TNPO3: variants seen among roughly 807,000 people sequenced by gnomAD.
The protein encoded by TNPO3 is transportin-3.
In TNPO3, 65 loss-of-function variants were observed where a neutral mutation model predicts 122.8. The ratio of observed to expected loss-of-function variants is 0.53; its 90% CI spans 0.43 to 0.65. The LOEUF (loss-of-function observed/expected upper bound fraction) is 0.65. TNPO3 is among the 30% of genes least tolerant of loss of function. The pLI is 0.00. For missense variants in TNPO3, 850 were observed against 1,136.7 expected (o/e 0.75, Z 3.63); for synonymous variants, 372 against 411.2 (o/e 0.90, Z 1.15).
At chr7:128,982,220 GTA>G in intron 14 of TNPO3, 26 bp downstream of exon 14, 1 of 1,597,246 alleles carries the variant, frequency 6.3e-7, no homozygotes, top group African/African-American at 1.3e-5. Context: ...TTTAACCCAA[GTA>G]AGGCATCCAG....
intron 21 of TNPO3, among the ~76,000 whole-genome samples, chr7:128,963,614 A>G (rs2128984067): frequency 6.6e-6 from 1 of 152,382 alleles, no homozygotes; most frequent in Admixed American, 6.5e-5. Flanking sequence ...ATCTATGGCT[A>G]AAAGTGAGTT....
rs186194782 is a variant in TNPO3, at chr7:128,993,827, A to C, written c.1246T>G (p.Ser416Ala). Reference sequence around the variant, plus strand: ...CTTACCTGAGCAAAACACTCCATAGACCCTATCAAGAAAATCAAGTCCTTT... The same window carrying C: ...CTTACCTGAGCAAAACACTCCATAGCCCCTATCAAGAAAATCAAGTCCTTT... Reference protein sequence around the residue: ...LVKDLIFLIGSMECFAQLYST... With the variant: ...LVKDLIFLIGAMECFAQLYST... The change falls in exon 9 of 23, where the codon TCT (serine) becomes GCT (alanine). Residue 416 changes from serine (S) to alanine (A), a missense_variant. By Grantham distance (99) the Ser-to-Ala change is moderately conservative. Transcript: ENST00000265388. 1.9e-6 allele frequency: 3 copies of C among 1,613,970 alleles called. No homozygotes were observed. Among genetic ancestry groups the C allele is most frequent in the Non-Finnish European group, 2.5e-6 (3 of 1,179,970 alleles).
In TNPO3 at chr7:129,004,975, T is replaced by C. The variant is rs374174474; in HGVS notation, c.696+41A>G. ...GTCCCAGCAGGTTAGTTACGAAAAG[T>C]GATTGGCAGAAATACTTTGATAAAT... On this transcript the variant is annotated intron_variant, in intron 5 of 22. Coordinates refer to ENST00000265388, the MANE Select transcript of TNPO3 (RefSeq NM_012470.4). 5 of 1,581,226 alleles carry C rather than the reference T, an allele frequency of 3.2e-6. No individual in the cohort carries two copies. The African/African-American group carries it at 4.1e-5, about 13-fold the overall frequency.
chr7:128,970,481 T>G (rs1318059898), intron 19 of TNPO3, among the ~76,000 whole-genome samples, 166 bp from the exon 20 acceptor site: 3 of 152,132 alleles, frequency 2.0e-5, no homozygotes, highest in African/African-American at 7.2e-5. Flanking sequence ...GACAGCTGGA[T>G]TCACAAAGTC....
At chr7:129,043,808 T>A (rs967397046) in intron 1 of TNPO3, among the ~76,000 whole-genome samples, 4 of 152,224 alleles carry the variant, frequency 2.6e-5, no homozygotes, top group African/African-American at 9.6e-5. Context: ...TTATTTATAC[T>A]AGGCAGTCTT....
At chr7:128,982,157 G>A (rs1295366047) in intron 14 of TNPO3, 91 bp downstream of exon 14, 2 of 1,099,864 alleles carry the variant, frequency 1.8e-6, no homozygotes, top group East Asian at 2.5e-5. Flanking sequence ...ATACTTGGAA[G>A]TATGAGGAAA....
intron 14 of TNPO3, 131 bp downstream of exon 14, chr7:128,982,117 C>G (rs1160857098): frequency 1.5e-6 from 1 of 664,718 alleles, no homozygotes; most frequent in Non-Finnish European, 2.5e-6. Context: ...CAGGTAACAG[C>G]TGGCTTAATT....
rs1482484906 is a variant in TNPO3 at position 129,014,906 on chromosome 7, T to G, written c.552+73A>C. The G allele has an allele frequency of 2.1e-6, 3 of 1,446,500 alleles. No individual in the cohort carries two copies. In the African/African-American group the frequency reaches 4.4e-5, roughly 21 times the overall value. 89.6% of individuals were successfully genotyped at this position (1,446,500 alleles called of 1,614,324 possible). ...TGCAAAGAAAGCTATTTCACAATAA[T>G]GCAATTGATTACAAAATAACCGCCA... On this transcript the variant is annotated intron_variant, in intron 4 of 22. Transcript: ENST00000265388.
Position 128,970,220 on chromosome 7 carries a change from G to C in TNPO3, c.2526C>G (p.Cys842Trp). The C allele has an allele frequency of 6.2e-7, 1 of 1,614,170 alleles. No homozygotes were observed. The highest frequency in any genetic ancestry group is 8.5e-7 in the Non-Finnish European group (1 of 1,180,018). ...GTAGGGTATAGGGGGGGAGGCAAAA[G>C]CAGCAGGTGTGCAGCAGCTGGCTGA... ...QLVSQLLHTC[C>W]FCLPPYTLPD... The change falls in exon 20 of 23, where the codon TGC becomes TGG. Residue 842 changes from cysteine (C) to tryptophan (W), a missense_variant. By Grantham distance (215) the Cys-to-Trp change is radical. Coordinates refer to ENST00000265388, the MANE Select transcript of TNPO3 (RefSeq NM_012470.4).
chr7:128,970,448 G>T, intron 19 of TNPO3, 133 bp from the exon 20 acceptor site: 1 of 686,528 alleles, frequency 1.5e-6, no homozygotes, highest in Non-Finnish European at 2.3e-6. Flanking sequence ...CTGTGTGTGT[G>T]TGTATGCAGG....
At chr7:129,030,277 T>C in intron 1 of TNPO3, 1 of 254,252 alleles carries the variant, frequency 3.9e-6, no homozygotes, top group Non-Finnish European at 7.9e-6. Flanking sequence ...GCCCAAAATA[T>C]ATGTAGGTAA....
At chr7:129,022,366 AATTTGGTATC>A (rs1804621075) in intron 1 of TNPO3, among the ~76,000 whole-genome samples, 1 of 152,122 alleles carries the variant, frequency 6.6e-6, no homozygotes, top group Admixed American at 6.6e-5. Context: ...TAATTAAAAA[AATTTGGTATC>A]AAAGTTATCA....
At chr7:129,017,168 T>C (rs1477207319) in intron 2 of TNPO3, 112 bp from the exon 3 acceptor site, 2 of 979,488 alleles carry the variant, frequency 2.0e-6, no homozygotes, top group African/African-American at 3.2e-5. Context: ...CAACTAAGAC[T>C]AACCCCCTTC....
intron 18 of TNPO3, among the ~76,000 whole-genome samples, chr7:128,973,018 A>G (rs569615449): frequency 1.3e-5 from 2 of 152,282 alleles, no homozygotes; most frequent in South Asian, 2.1e-4. Context: ...AAAAAGGACC[A>G]TATCTTAAGA....
chr7:129,002,865 C>A (rs1802106828), intron 5 of TNPO3, among the ~76,000 whole-genome samples: 1 of 151,768 alleles, frequency 6.6e-6, no homozygotes, highest in Non-Finnish European at 1.5e-5. Flanking sequence ...ACGGTGAAAC[C>A]CCATCTCTAC....
chr7:129,025,175 C>G (rs999349980), intron 1 of TNPO3, among the ~76,000 whole-genome samples: 2 of 150,644 alleles, frequency 1.3e-5, no homozygotes, highest in Admixed American at 6.6e-5. Context: ...ATGATGAAAC[C>G]CCATCTCTAC....
chr7:129,001,629 T>G (rs1278870359), intron 5 of TNPO3, among the ~76,000 whole-genome samples: 1 of 152,180 alleles, frequency 6.6e-6, no homozygotes, highest in East Asian at 1.9e-4. Context: ...AGGAAAACAA[T>G]TAGAGCCTCT....
chr7:128,957,876 T>C (rs1797050021), intron 21 of TNPO3, among the ~76,000 whole-genome samples: 1 of 152,158 alleles, frequency 6.6e-6, no homozygotes, highest in Non-Finnish European at 1.5e-5. Context: ...GATTTCCTCC[T>C]GTGGGAGGAG....
intron 19 of TNPO3, chr7:128,970,597 G>A (rs1798370231): frequency 4.4e-6 from 1 of 229,812 alleles, no homozygotes. Flanking sequence ...ATGATTTGAA[G>A]GCAGAAAACA....
Sources: gnomAD v4.1 joint callset for allele counts (sites outside exome capture counted in the v4.1 genomes callset) on GRCh38, gnomAD v4.1.1 for gene constraint, MANE v1.5 for transcripts, NCBI Gene and HGNC (gene_info 2026-07-23, HGNC 2026-07-21) for gene names.